The following TLN2 variants were observed in gnomAD, a reference collection of about 807,000 sequenced individuals.
TLN2 encodes the protein talin 2, also known as talin-2.
Under a neutral mutation model 294.7 loss-of-function variants are expected in TLN2, and 118 were observed. That is an observed-to-expected ratio of 0.40 (90% CI 0.34 to 0.47). The LOEUF (loss-of-function observed/expected upper bound fraction) is 0.47, where lower values mean the gene tolerates loss of function less well. TLN2 is among the 20% of genes least tolerant of loss of function. The pLI, the probability that TLN2 is intolerant of heterozygous loss-of-function variation, is 0.84. For synonymous variants in TLN2, 1,431 were observed against 1,304.5 expected (o/e 1.10, Z -2.09); for missense variants, 3,083 against 3,282.2 (o/e 0.94, Z 1.48).
chr15:62,629,150 G>A (rs1002799486), intron 3 of TLN2, among the ~76,000 whole-genome samples: 2 of 152,160 alleles, frequency 1.3e-5, no homozygotes, highest in Non-Finnish European at 2.9e-5. Context: ...CCATGATCAC[G>A]CCACCACACT....
chr15:62,711,534 A>G (rs973073232), intron 21 of TLN2, among the ~76,000 whole-genome samples: 34 of 152,262 alleles, frequency 2.2e-4, no homozygotes, highest in African/African-American at 7.0e-4. Context: ...AGTTTATTAT[A>G]GACGCTTTTG....
chr15:62,664,414 A>T (rs2054279528), intron 9 of TLN2, among the ~76,000 whole-genome samples: 1 of 152,086 alleles, frequency 6.6e-6, no homozygotes, highest in Non-Finnish European at 1.5e-5. Flanking sequence ...ATGTGTGAAG[A>T]CAACCAAGGT....
At chr15:62,411,428 GATGT>G (rs1436244899) in intron 1 of TLN2, among the ~76,000 whole-genome samples, 125 of 71,832 alleles carry the variant, frequency 1.7e-3, no homozygotes, top group African/African-American at 5.9e-3. Context: ...GTGAGTAATG[GATGT>G]GTGTGTGTGT....
intron 1 of TLN2, among the ~76,000 whole-genome samples, chr15:62,552,447 C>G (rs2042376213): frequency 6.6e-6 from 1 of 152,156 alleles, no homozygotes; most frequent in Non-Finnish European, 1.5e-5. Context: ...TCAATGTGCA[C>G]ATTCCTAGCT....
chr15:62,819,457 C>T, intron 52 of TLN2, 59 bp from the exon 53 acceptor site: 1 of 1,426,018 alleles, frequency 7.0e-7, no homozygotes, highest in Non-Finnish European at 9.9e-7. Context: ...GAGTGTGCTT[C>T]TTTCCTGTCC....
Position 62,719,864 on chromosome 15 carries a change from G to A in TLN2, c.2975G>A (p.Ser992Asn). The change falls in exon 25 of 59, where the codon AGC (serine) becomes AAC (asparagine). Residue 992 changes from serine (S) to asparagine (N), a missense_variant. Transcript: ENST00000636159. ...LSAQLALIIS[S>N]QNFLQPGSKM... ...GCCCAGCTGGCTCTCATCATCTCCA[G>A]CCAGAACTTCCTCCAGGTAACAGGG... 1 of 1,610,244 alleles carries A rather than the reference G, an allele frequency of 6.2e-7. No individual in the cohort carries two copies. Among genetic ancestry groups the A allele is most frequent in the East Asian group, 2.2e-5 (1 of 44,776 alleles).
intron 28 of TLN2, among the ~76,000 whole-genome samples, chr15:62,736,506 G>C (rs925728228): frequency 1.3e-5 from 2 of 152,128 alleles, no homozygotes; most frequent in Non-Finnish European, 2.9e-5. Context: ...GCCCCAGAAA[G>C]GCAATTGAGA....
At chr15:62,481,798 C>CTTT (rs60002079) in intron 1 of TLN2, among the ~76,000 whole-genome samples, 39,231 of 115,248 alleles carry the variant, frequency 0.34, 6,458 homozygotes, top group Middle Eastern at 0.44. Flanking sequence ...TTCTTTCTTT[C>CTTT]TTTTTTTTTT....
intron 2 of TLN2, among the ~76,000 whole-genome samples, chr15:62,597,164 A>G (rs1000366698): frequency 6.6e-6 from 1 of 152,034 alleles, no homozygotes; most frequent in African/African-American, 2.4e-5. Flanking sequence ...TAGATACACT[A>G]TTTGTTGTCT....
At chr15:62,516,743 C>T (rs900483151) in intron 1 of TLN2, among the ~76,000 whole-genome samples, 7 of 152,212 alleles carry the variant, frequency 4.6e-5, no homozygotes, top group East Asian at 3.8e-4. Flanking sequence ...AATCATACCA[C>T]GACTCATTTG....
In TLN2 at chr15:62,708,630, G is replaced by A. The variant is rs368502725; in HGVS notation, c.2301G>A (p.Leu767=). The part of the protein sequence containing the change: ...CQAATTDSEL[L]KQVSAAASVV... ...CGGCCACTACCGATAGTGAGCTCCTGAAGCAGGTCAGCGCAGCGGCCAGCG... is the reference window on the plus strand; with the variant it reads ...CGGCCACTACCGATAGTGAGCTCCTAAAGCAGGTCAGCGCAGCGGCCAGCG... The change falls in exon 21 of 59, where the codon CTG becomes CTA. Residue 767 remains leucine, a synonymous_variant. Coordinates refer to ENST00000636159, the MANE Select transcript of TLN2 (RefSeq NM_015059.3). 2 of 1,614,124 alleles carry A rather than the reference G, an allele frequency of 1.2e-6. No individual in the cohort carries two copies. The highest frequency in any genetic ancestry group is 1.7e-6 in the Non-Finnish European group (2 of 1,180,058).
intron 28 of TLN2, among the ~76,000 whole-genome samples, chr15:62,731,779 C>T (rs1049955962): frequency 1.3e-5 from 2 of 152,170 alleles, no homozygotes; most frequent in Non-Finnish European, 2.9e-5. Flanking sequence ...CTTGGTATTT[C>T]TCCAGTGTCT....
intron 1 of TLN2, among the ~76,000 whole-genome samples, chr15:62,415,558 CT>C: frequency 2.0e-5 from 2 of 101,776 alleles, no homozygotes; most frequent in Admixed American, 1.3e-4. Context: ...AAGAGGACAG[CT>C]AACAGTGCCC....
chr15:62,401,156 G>A lies in TLN2; in HGVS notation c.-238+10471G>A, dbSNP rs568041966. 7.5e-4 allele frequency among the ~76,000 whole-genome samples: 114 copies of A among 152,258 alleles called. 2 individuals are homozygous for A. In the South Asian group the frequency reaches 0.013, roughly 17 times the overall value. ...CTCTGGGACCCTCGCTTGTCTGGAT[G>A]TCCTTGAGAGATTTGGATGAACCAA... On this transcript the variant is annotated intron_variant, in intron 1 of 58. Transcript: ENST00000636159.
At chr15:62,506,429 G>T (rs958413950) in intron 1 of TLN2, among the ~76,000 whole-genome samples, 1 of 152,234 alleles carries the variant, frequency 6.6e-6, no homozygotes, top group Non-Finnish European at 1.5e-5. Context: ...TCTGCATGAG[G>T]TAGTCACATG....
intron 54 of TLN2, chr15:62,830,650 A>C (rs376486306): frequency 1.3e-5 from 2 of 152,146 alleles, no homozygotes; most frequent in South Asian, 4.2e-4. Flanking sequence ...TGGTATGAGG[A>C]CACGTTAAGT....
intron 9 of TLN2, among the ~76,000 whole-genome samples, chr15:62,663,979 A>G (rs894839084): frequency 2.6e-5 from 4 of 152,054 alleles, no homozygotes; most frequent in Non-Finnish European, 1.5e-5. Flanking sequence ...GGTAAAGACT[A>G]ATTGAAGATA....
intron 22 of TLN2, among the ~76,000 whole-genome samples, chr15:62,713,389 G>T (rs1418603697): frequency 2.6e-5 from 4 of 150,952 alleles, no homozygotes; most frequent in African/African-American, 9.7e-5. Context: ...CACTTAAAAT[G>T]TATTGTGGGC....
At chr15:62,607,532 G>A (rs984254041) in intron 2 of TLN2, among the ~76,000 whole-genome samples, 2 of 152,176 alleles carry the variant, frequency 1.3e-5, no homozygotes, top group Non-Finnish European at 2.9e-5. Flanking sequence ...CCTCCAGAAT[G>A]GGTGTATCAT....
Sources: allele counts gnomAD v4.1 joint callset (sites outside exome capture counted in the v4.1 genomes callset), GRCh38; gene constraint gnomAD v4.1.1; transcripts MANE v1.5; gene names NCBI Gene and HGNC (gene_info 2026-07-23, HGNC 2026-07-21).